Variants in CDC73 observed in about 807,000 individuals in gnomAD.
CDC73 encodes the protein cell division cycle 73.
CDC73 carries 21 observed loss-of-function variants against 83.7 expected under a neutral mutation model. The observed-to-expected ratio is 0.25, with a 90% CI of 0.18 to 0.36. The LOEUF (loss-of-function observed/expected upper bound fraction) is 0.36. Among genes scored for constraint, CDC73 ranks in the 10% least tolerant of loss-of-function variants. CDC73 has a pLI of 1.00. For synonymous variants in CDC73, 224 were observed against 212.9 expected (o/e 1.05, Z -0.45); for missense variants, 342 against 653.3 (o/e 0.52, Z 5.19).
intron 1 of CDC73, 122 bp from the exon 2 acceptor site, chr1:193,124,990 C>CTTTTTTTTT: frequency 1.5e-6 from 1 of 684,674 alleles, no homozygotes; most frequent in Non-Finnish European, 2.7e-6. Context: ...AGATTTTATA[C>CTTTTTTTTT]TTTTTTTTTG....
intron 13 of CDC73, among the ~76,000 whole-genome samples, chr1:193,230,204 A>G (rs952007824): frequency 6.8e-5 from 10 of 146,378 alleles, no homozygotes; most frequent in African/African-American, 2.5e-4. Flanking sequence ...GCTGGAGGGC[A>G]GTGGTGTGAT....
At chr1:193,135,245 TGCAGAGC>T in intron 3 of CDC73, 139 bp from the exon 4 acceptor site, 1 of 676,238 alleles carries the variant, frequency 1.5e-6, no homozygotes, top group Non-Finnish European at 2.7e-6. Context: ...AACATGTTTT[TGCAGAGC>T]TGCTTTAAAA....
At chr1:193,139,730 A>G (rs995031881) in intron 6 of CDC73, among the ~76,000 whole-genome samples, 3 of 152,166 alleles carry the variant, frequency 2.0e-5, no homozygotes, top group Admixed American at 1.3e-4. Flanking sequence ...AATCCCTTGG[A>G]AACAGTTTGT....
intron 10 of CDC73, among the ~76,000 whole-genome samples, chr1:193,174,248 T>C (rs542797737): frequency 3.9e-5 from 6 of 152,266 alleles, no homozygotes; most frequent in South Asian, 4.1e-4. Flanking sequence ...TTCCTCTTGC[T>C]CTTAATAAGA....
intron 1 of CDC73, among the ~76,000 whole-genome samples, chr1:193,124,078 A>G (rs375322368): frequency 1.3e-5 from 2 of 152,262 alleles, no homozygotes; most frequent in South Asian, 4.1e-4. Context: ...GCTTAAAGGC[A>G]TAAAGAACTG....
At chr1:193,221,987 T>C (rs986293321) in intron 13 of CDC73, among the ~76,000 whole-genome samples, 15 of 152,266 alleles carry the variant, frequency 9.9e-5, no homozygotes, top group Non-Finnish European at 1.6e-4. Flanking sequence ...TTTAGTTTTA[T>C]GTACAACTGA....
At chr1:193,244,840 ACTAC>A (rs1677926218) in intron 15 of CDC73, among the ~76,000 whole-genome samples, 1 of 152,168 alleles carries the variant, frequency 6.6e-6, no homozygotes, top group Non-Finnish European at 1.5e-5. Context: ...TAGCATTTAT[ACTAC>A]CTGAGTGTTG....
intron 10 of CDC73, among the ~76,000 whole-genome samples, chr1:193,194,918 A>G (rs1395711074): frequency 2.0e-5 from 3 of 152,220 alleles, no homozygotes; most frequent in African/African-American, 7.2e-5. Flanking sequence ...TGTGAAATAA[A>G]TCTCTATATG....
chr1:193,193,697 A>G (rs1016788901), intron 10 of CDC73, among the ~76,000 whole-genome samples: 11 of 151,920 alleles, frequency 7.2e-5, no homozygotes, highest in Admixed American at 2.0e-4. Flanking sequence ...TGAGTTTTAT[A>G]TACCCTTTTC....
chr1:193,232,451 CACACAT>C (rs1279798719), intron 13 of CDC73, among the ~76,000 whole-genome samples: 1 of 151,894 alleles, frequency 6.6e-6, no homozygotes, highest in African/African-American at 2.4e-5. Context: ...TGGTGTTACA[CACACAT>C]ACACACACAC....
chr1:193,159,140 G>A (rs1476590384), intron 10 of CDC73, among the ~76,000 whole-genome samples: 1 of 152,026 alleles, frequency 6.6e-6, no homozygotes, highest in Non-Finnish European at 1.5e-5. Context: ...TTTGACGGGG[G>A]CAGATAATGT....
chr1:193,146,870 A>T (rs2103129887), intron 7 of CDC73, among the ~76,000 whole-genome samples: 1 of 152,326 alleles, frequency 6.6e-6, no homozygotes, highest in East Asian at 1.9e-4. Context: ...TTGACTTCTG[A>T]TAGTATCTCA....
At chr1:193,149,312 G>A (rs1258945712) in intron 8 of CDC73, among the ~76,000 whole-genome samples, 1 of 151,500 alleles carries the variant, frequency 6.6e-6, no homozygotes, top group Admixed American at 6.6e-5. Context: ...GATCCTCAGG[G>A]TTTAGTTAGA....
At chr1:193,183,894 A>G (rs1029189319) in intron 10 of CDC73, among the ~76,000 whole-genome samples, 1 of 151,634 alleles carries the variant, frequency 6.6e-6, no homozygotes, top group Non-Finnish European at 1.5e-5. Context: ...AAGAAGGAGT[A>G]AACAATAAGG....
intron 11 of CDC73, among the ~76,000 whole-genome samples, chr1:193,204,851 G>A (rs551056487): frequency 1.2e-4 from 18 of 152,180 alleles, no homozygotes; most frequent in Middle Eastern, 3.4e-3. Context: ...TCATAGTTCC[G>A]TGGTAGTATG....
intron 13 of CDC73, among the ~76,000 whole-genome samples, chr1:193,217,982 A>G (rs1677399703): frequency 6.6e-6 from 1 of 152,238 alleles, no homozygotes; most frequent in South Asian, 2.1e-4. Context: ...TGTAGACAAT[A>G]TGATTCCATA....
At chr1:193,232,668 C>T (rs1469519305) in intron 13 of CDC73, among the ~76,000 whole-genome samples, 2 of 151,954 alleles carry the variant, frequency 1.3e-5, no homozygotes, top group East Asian at 1.9e-4. Flanking sequence ...TTTGGGAGGC[C>T]GAGGCGGGTG....
At position 193,251,885 on chromosome 1, in the gene CDC73, T is replaced by G; in HGVS notation, c.*1173T>G. The G allele has an allele frequency of 4.3e-6, 1 of 231,722 alleles. No individual in the cohort carries two copies. The allele number at this position is 231,722 out of a possible 1,614,324, so 14.4% of individuals were successfully genotyped here. ...TAAAGGCAACTAGGAAGCTTTACTT[T>G]CCTAAAGTGTTTTTGCCATTGGAAT... On this transcript the variant is annotated 3_prime_UTR_variant, in exon 17 of 17. Transcript: ENST00000367435.
chr1:193,210,115 A>G (rs1403760168), intron 11 of CDC73, among the ~76,000 whole-genome samples: 1 of 152,222 alleles, frequency 6.6e-6, no homozygotes, highest in African/African-American at 2.4e-5. Context: ...CAGCAAGAAG[A>G]AAGATGAGAA....
Sources: allele counts gnomAD v4.1 joint callset (sites outside exome capture counted in the v4.1 genomes callset), GRCh38; gene constraint gnomAD v4.1.1; transcripts MANE v1.5; gene names NCBI Gene and HGNC (gene_info 2026-07-23, HGNC 2026-07-21).